The following CDV3 variants were observed in gnomAD, a reference collection of about 807,000 sequenced individuals.
The protein encoded by CDV3 is protein CDV3 homolog.
A neutral mutation model predicts 24.5 loss-of-function variants in CDV3; 14 were observed. The observed-to-expected ratio is 0.57, with a 90% CI of 0.38 to 0.89. The LOEUF (loss-of-function observed/expected upper bound fraction) is 0.89, where lower values mean the gene tolerates loss of function less well. Ranked by LOEUF, CDV3 falls within the 40% of genes least tolerant of loss-of-function variation. CDV3 has a pLI of 0.00. For synonymous variants in CDV3, 114 were observed against 114.1 expected, an observed-to-expected ratio of 1.00 and a Z score of 0.00; for missense variants, 304 against 310.2, an observed-to-expected ratio of 0.98 and a Z score of 0.15.
In CDV3 at chr3:133,588,604, C is replaced by G. The variant is rs549131492; in HGVS notation, c.*558C>G. ...CTGTGCCCTACCCTTAAGGAATACT[C>G]TCTGTAGTAGGCTGTTGTTATATTA... On this transcript the variant is annotated 3_prime_UTR_variant, in exon 5 of 5. Coordinates refer to ENST00000264993, the MANE Select transcript of CDV3 (RefSeq NM_017548.5). 1 of 584,838 alleles carries G rather than the reference C, an allele frequency of 1.7e-6. No individual in the cohort carries two copies. The highest frequency in any genetic ancestry group is 1.9e-5 in the African/African-American group (1 of 53,590). The allele number at this position is 584,838 out of a possible 1,614,324, so 36.2% of individuals were successfully genotyped here. A position where few individuals can be genotyped will look rare whatever the true frequency, so the allele number is the denominator to read the frequency against.
chr3:133,579,127 C>A (rs1024597511), intron 2 of CDV3, among the ~76,000 whole-genome samples: 2 of 152,196 alleles, frequency 1.3e-5, no homozygotes, highest in Non-Finnish European at 2.9e-5. Context: ...GGTCTCTTGG[C>A]TGCCTTAGTG....
chr3:133,577,424 G>A (rs1369365903), intron 2 of CDV3, among the ~76,000 whole-genome samples: 9 of 150,378 alleles, frequency 6.0e-5, no homozygotes, highest in African/African-American at 2.2e-4. Flanking sequence ...GCAATGGTGC[G>A]ATCTCAGCTC....
intron 2 of CDV3, among the ~76,000 whole-genome samples, chr3:133,580,772 C>T (rs575181618): frequency 6.6e-6 from 1 of 152,188 alleles, no homozygotes; most frequent in East Asian, 1.9e-4. Flanking sequence ...AACTCCTGGC[C>T]TCAAGTGATC....
chr3:133,579,780 A>G (rs749833802), intron 2 of CDV3, among the ~76,000 whole-genome samples: 6 of 152,018 alleles, frequency 3.9e-5, no homozygotes, highest in Non-Finnish European at 7.4e-5. Flanking sequence ...TTTAGTAGAG[A>G]CAGTGTTTGA....
chr3:133,576,841 C>CTTTGTTTTTTTTTTTTT (rs2074827337), intron 2 of CDV3, among the ~76,000 whole-genome samples: 1 of 62,392 alleles, frequency 1.6e-5, no homozygotes, highest in African/African-American at 6.8e-5. Context: ...GGTAGACTAG[C>CTTTGTTTTTTTTTTTTT]TTTTTTTTTT....
chr3:133,580,397 T>C (rs2074969782), intron 2 of CDV3, among the ~76,000 whole-genome samples: 1 of 152,164 alleles, frequency 6.6e-6, no homozygotes, highest in African/African-American at 2.4e-5. Context: ...AAACCCAAAA[T>C]ATTTATTTAA....
At position 133,573,844 on chromosome 3, in the gene CDV3, C is replaced by A. The variant is rs778176078; in HGVS notation, c.-201C>A. On this transcript the variant is annotated 5_prime_UTR_variant, in exon 1 of 5. Transcript: ENST00000264993. ...CGGGCGACAGCGGCGGCGCGCGAGC[C>A]CCCGGGCGGACCGTACCACCGCTCG... 1.0e-3 allele frequency: 193 copies of A among 185,738 alleles called. No homozygotes were observed. Among genetic ancestry groups the A allele is most frequent in the Middle Eastern group, 2.9e-3 (1 of 348 alleles). 11.5% of individuals were successfully genotyped at this position (185,738 alleles called of 1,614,324 possible). A position where few individuals can be genotyped will look rare whatever the true frequency, so the allele number is the denominator to read the frequency against.
At chr3:133,574,557 G>A in intron 1 of CDV3, 2 of 986,184 alleles carry the variant, frequency 2.0e-6, no homozygotes, top group Non-Finnish European at 2.4e-6. Context: ...ACTAGGTCTG[G>A]GGCCGCAGTG....
Position 133,589,853 on chromosome 3 carries a change from T to A in CDV3, c.*1807T>A, listed in dbSNP as rs1330531499. The A allele has an allele frequency of 6.6e-6, 1 of 152,206 alleles. No individual in the cohort carries two copies. Among genetic ancestry groups the A allele is most frequent in the Admixed American group, 6.5e-5 (1 of 15,288 alleles). 9.4% of individuals were successfully genotyped at this position (152,206 alleles called of 1,614,324 possible). A position where few individuals can be genotyped will look rare whatever the true frequency, so the allele number is the denominator to read the frequency against. ...GCCAGCCAAGGGAAGGTTGAATGAT[T>A]AAATCAGAAATGGGATTCTTGGTAA... On this transcript the variant is annotated 3_prime_UTR_variant, in exon 5 of 5. Transcript: ENST00000264993.
chr3:133,584,967 C>G (rs1418527284), intron 3 of CDV3, among the ~76,000 whole-genome samples: 1 of 152,172 alleles, frequency 6.6e-6, no homozygotes, highest in Non-Finnish European at 1.5e-5. Context: ...AGTGTATACT[C>G]ATTATTTTAT....
rs1015899932 is a variant in CDV3 at position 133,588,963 on chromosome 3, T to G, written c.*917T>G. ...TGCATTAGGATTGTGAAATGTCTCGTGAGTATGCCAATCCTGAGGGTGGAA... is the reference window on the plus strand; with the variant it reads ...TGCATTAGGATTGTGAAATGTCTCGGGAGTATGCCAATCCTGAGGGTGGAA... On this transcript the variant is annotated 3_prime_UTR_variant, in exon 5 of 5. Transcript: ENST00000264993. 1 of 152,700 alleles carries G rather than the reference T, an allele frequency of 6.5e-6. No homozygotes were observed. The highest frequency in any genetic ancestry group is 2.4e-5 in the African/African-American group (1 of 41,432). The allele number at this position is 152,700 out of a possible 1,614,324, so 9.5% of individuals were successfully genotyped here.
intron 2 of CDV3, among the ~76,000 whole-genome samples, chr3:133,577,526 A>G (rs914185697): frequency 7.2e-5 from 11 of 151,796 alleles, no homozygotes; most frequent in Non-Finnish European, 1.5e-4. Context: ...ACGCCTGGCT[A>G]ATTTTGTGTT....
At chr3:133,579,649 A>G (rs757490434) in intron 2 of CDV3, among the ~76,000 whole-genome samples, 8 of 151,860 alleles carry the variant, frequency 5.3e-5, no homozygotes, top group Non-Finnish European at 7.4e-5. Flanking sequence ...CTGGGGTGCA[A>G]TGGCGCAATC....
rs1468911698 is a variant in CDV3, at chr3:133,588,401, T to G, written c.*355T>G. On this transcript the variant is annotated 3_prime_UTR_variant, in exon 5 of 5. Coordinates refer to ENST00000264993, the MANE Select transcript of CDV3 (RefSeq NM_017548.5). ...ACTACCTCAGATTTGCTGCACTCAT[T>G]GTGGACTTCATGTGGATCACAACTT... 6.5e-7 allele frequency: 1 copy of G among 1,528,740 alleles called. No homozygotes were observed. The highest frequency in any genetic ancestry group is 8.8e-7 in the Non-Finnish European group (1 of 1,140,190). The allele number at this position is 1,528,740 out of a possible 1,614,324, so 94.7% of individuals were successfully genotyped here. A position where few individuals can be genotyped will look rare whatever the true frequency, so the allele number is the denominator to read the frequency against.
In CDV3 at chr3:133,589,947, C is replaced by T. The variant is rs1162668469; in HGVS notation, c.*1901C>T. 6.6e-6 allele frequency: 1 copy of T among 152,094 alleles called. No individual in the cohort carries two copies. The highest frequency in any genetic ancestry group is 2.4e-5 in the African/African-American group (1 of 41,414). The allele number at this position is 152,094 out of a possible 1,614,324, so 9.4% of individuals were successfully genotyped here. A position where few individuals can be genotyped will look rare whatever the true frequency, so the allele number is the denominator to read the frequency against. ...CTTCATCGTTGAACTGTGCATTTTC[C>T]CTGCATTTTTTCCCAACAAAATTTT... On this transcript the variant is annotated 3_prime_UTR_variant, in exon 5 of 5. Coordinates refer to ENST00000264993, the MANE Select transcript of CDV3 (RefSeq NM_017548.5).
In CDV3 at chr3:133,575,042, G is replaced by A; in HGVS notation, c.244G>A (p.Glu82Lys). The A allele has an allele frequency of 1.3e-6, 2 of 1,592,972 alleles. No individual in the cohort carries two copies. The highest frequency in any genetic ancestry group is 1.7e-6 in the Non-Finnish European group (2 of 1,160,822). Residue 82 changes from glutamate (E) to lysine (K), a missense_variant, in exon 2 of 5, where the codon GAA (glutamate) becomes AAA (lysine). Coordinates refer to ENST00000264993, the MANE Select transcript of CDV3 (RefSeq NM_017548.5). ...TCAAATGGCGTTTGTTTTACAGGAC[G>A]AAGATGAATGGAAAGAATTGGAGCA... is the stretch of plus-strand genomic sequence containing the variant. ...GAATKAVTKD[E>K]DEWKELEQKE...
At chr3:133,587,105 TAGACAGA>T (rs1440738815) in intron 4 of CDV3, 1 of 929,576 alleles carries the variant, frequency 1.1e-6, no homozygotes, top group African/African-American at 1.7e-5. Flanking sequence ...AATGTGACTA[TAGACAGA>T]AGATGTTGGC....
intron 3 of CDV3, among the ~76,000 whole-genome samples, chr3:133,586,164 C>G (rs1221831505): frequency 6.6e-6 from 1 of 152,084 alleles, no homozygotes; most frequent in Admixed American, 6.5e-5. Context: ...GGCTCAATAT[C>G]GGCTCACTGC....
At position 133,574,075 on chromosome 3, in the gene CDV3, A is replaced by G; in HGVS notation, c.31A>G (p.Asn11Asp). The G allele has an allele frequency of 1.6e-6, 2 of 1,237,650 alleles. No individual in the cohort carries two copies. The highest frequency in any genetic ancestry group is 2.1e-6 in the Non-Finnish European group (2 of 965,066). 76.7% of individuals were successfully genotyped at this position (1,237,650 alleles called of 1,614,324 possible). MAETEERSLD[N>D]FFAKRDKKKK... ...TGAGACGGAGGAGCGGAGCCTGGAC[A>G]ACTTCTTTGCCAAGAGGGACAAGAA... Residue 11 changes from asparagine to aspartate, a missense_variant, in exon 1 of 5, where the codon AAC (asparagine) becomes GAC (aspartate). Coordinates refer to ENST00000264993, the MANE Select transcript of CDV3 (RefSeq NM_017548.5).
Sources: gnomAD v4.1 joint callset for allele counts (sites outside exome capture counted in the v4.1 genomes callset) on GRCh38, gnomAD v4.1.1 for gene constraint, MANE v1.5 for transcripts, NCBI Gene and HGNC (gene_info 2026-07-23, HGNC 2026-07-21) for gene names.